Variants in NRXN3 observed in about 807,000 individuals in gnomAD.
NRXN3 encodes neurexin 3, also known as neurexin III.
NRXN3 carries 32 observed loss-of-function variants against 137.6 expected under a neutral mutation model. That is an observed-to-expected ratio of 0.23 (90% CI 0.18 to 0.31). The LOEUF (loss-of-function observed/expected upper bound fraction) is 0.31. Among genes scored for constraint, NRXN3 ranks in the 10% least tolerant of loss-of-function variants. The pLI is 1.00. For missense variants in NRXN3, 1,574 were observed against 2,062.5 expected, an observed-to-expected ratio of 0.76 and a Z score of 4.59; for synonymous variants, 798 against 784.5, an observed-to-expected ratio of 1.02 and a Z score of -0.29.
intron 19 of NRXN3, among the ~76,000 whole-genome samples, chr14:79,793,506 T>C (rs2140335824): frequency 6.6e-6 from 1 of 152,334 alleles, no homozygotes; most frequent in Admixed American, 6.5e-5. Context: ...CATAATCTAT[T>C]TGTCATAATT....
At chr14:79,518,742 T>C (rs1042491774) in intron 16 of NRXN3, among the ~76,000 whole-genome samples, 4 of 152,180 alleles carry the variant, frequency 2.6e-5, no homozygotes, top group Admixed American at 2.6e-4. Context: ...AATAATATAG[T>C]AATGATATTG....
At chr14:79,510,493 T>C (rs1291069204) in intron 16 of NRXN3, among the ~76,000 whole-genome samples, 1 of 152,194 alleles carries the variant, frequency 6.6e-6, no homozygotes, top group African/African-American at 2.4e-5. Flanking sequence ...GCCTCACTCC[T>C]GCATGACAGG....
chr14:79,323,651 A>G (rs1402827435), intron 15 of NRXN3, among the ~76,000 whole-genome samples: 1 of 151,942 alleles, frequency 6.6e-6, no homozygotes, highest in African/African-American at 2.4e-5. Context: ...CAAGGCCAAG[A>G]GATCGAGACC....
Position 79,862,192 on chromosome 14 carries a change from G to A in NRXN3, c.*228G>A. On this transcript the variant is annotated 3_prime_UTR_variant, in exon 21 of 21. Transcript: ENST00000335750. ...CTGCGGCAAGGTCCCAGCGGTCGCT[G>A]GGAGACAGAAGGTTTTGTGCCCTGC... is the stretch of plus-strand genomic sequence containing the variant. 2.0e-6 allele frequency: 1 copy of A among 501,810 alleles called. No individual in the cohort carries two copies. The highest frequency in any genetic ancestry group is 3.6e-6 in the Non-Finnish European group (1 of 278,874). The allele number at this position is 501,810 out of a possible 1,614,324, so 31.1% of individuals were successfully genotyped here. A position where few individuals can be genotyped will look rare whatever the true frequency, so the allele number is the denominator to read the frequency against.
chr14:78,608,023 G>C (rs1386428529), intron 4 of NRXN3, among the ~76,000 whole-genome samples: 1 of 152,178 alleles, frequency 6.6e-6, no homozygotes, highest in African/African-American at 2.4e-5. Flanking sequence ...GTTTAAAAAT[G>C]GAGACAGGAG....
chr14:78,441,997 G>A (rs2094267325), intron 4 of NRXN3, among the ~76,000 whole-genome samples: 1 of 151,858 alleles, frequency 6.6e-6, no homozygotes, highest in Non-Finnish European at 1.5e-5. Flanking sequence ...TCGGGAGGCT[G>A]AGGCAGGAGA....
rs140807726 is a variant in NRXN3 at position 79,192,228 on chromosome 14, C to A, written c.3262+204087C>A. 1.1e-4 allele frequency among the ~76,000 whole-genome samples: 17 copies of A among 152,272 alleles called. No homozygotes were observed. In the East Asian group the frequency reaches 3.3e-3, roughly 29 times the overall value. ...ATAACTTCTCCAGGTTACTGATCAT[C>A]TCTAAGTCTTTGATTCTTGTTCTGT... On this transcript the variant is annotated intron_variant, in intron 15 of 20. Coordinates refer to ENST00000335750, the MANE Select transcript of NRXN3 (RefSeq NM_001330195.2).
chr14:78,830,542 A>T (rs1219321898), intron 10 of NRXN3, among the ~76,000 whole-genome samples: 1 of 152,120 alleles, frequency 6.6e-6, no homozygotes. Flanking sequence ...ACAAGATATT[A>T]CAGGGGTTTT....
At chr14:79,250,365 G>A (rs1417441644) in intron 15 of NRXN3, among the ~76,000 whole-genome samples, 2 of 152,144 alleles carry the variant, frequency 1.3e-5, no homozygotes, top group Non-Finnish European at 2.9e-5. Flanking sequence ...AATGTGACAA[G>A]GATGGATGTT....
At chr14:79,251,185 C>G (rs2075871626) in intron 15 of NRXN3, among the ~76,000 whole-genome samples, 1 of 152,264 alleles carries the variant, frequency 6.6e-6, no homozygotes, top group East Asian at 1.9e-4. Context: ...ATTATGTGGG[C>G]TGCACATTAG....
intron 15 of NRXN3, among the ~76,000 whole-genome samples, chr14:79,296,811 G>A (rs527613383): frequency 6.6e-6 from 1 of 152,112 alleles, no homozygotes; most frequent in African/African-American, 2.4e-5. Context: ...TAAAACAAAA[G>A]CAAATAAATA....
intron 15 of NRXN3, among the ~76,000 whole-genome samples, chr14:79,461,195 T>C (rs116033741): frequency 7.3e-4 from 111 of 152,260 alleles, no homozygotes; most frequent in African/African-American, 2.5e-3. Flanking sequence ...CCATTAGTCA[T>C]TGGGACAGCT....
chr14:78,838,470 T>G (rs1283039984), intron 10 of NRXN3, among the ~76,000 whole-genome samples: 1 of 152,240 alleles, frequency 6.6e-6, no homozygotes, highest in African/African-American at 2.4e-5. Flanking sequence ...TCTGGAGCAC[T>G]GTGTCTTCCA....
intron 1 of NRXN3, among the ~76,000 whole-genome samples, chr14:78,225,934 A>G (rs2064496423): frequency 8.2e-6 from 1 of 121,270 alleles, no homozygotes. Flanking sequence ...GTGCCTAGCA[A>G]GTAGCAGGTG....
chr14:79,526,368 A>T (rs536936646), intron 16 of NRXN3, among the ~76,000 whole-genome samples: 4 of 152,038 alleles, frequency 2.6e-5, no homozygotes, highest in South Asian at 2.1e-4. Flanking sequence ...ATTTAAAAAA[A>T]TTTTTTTGCA....
rs1455989112 is a variant in NRXN3 at position 78,524,486 on chromosome 14, G to T, written c.758-120634G>T. ...CAGGTGCATGGCAGAATGCCTGGAGGGTTTATTAAAAACACTGATTCCTAA... is the reference window on the plus strand; with the variant it reads ...CAGGTGCATGGCAGAATGCCTGGAGTGTTTATTAAAAACACTGATTCCTAA... On this transcript the variant is annotated intron_variant, in intron 4 of 20. Transcript: ENST00000335750. Among the ~76,000 whole-genome samples the T allele has an allele frequency of 2.0e-5, 3 of 152,112 alleles. 1 individual carries two copies. Among genetic ancestry groups the T allele is most frequent in the South Asian group, 4.1e-4 (2 of 4,826 alleles).
chr14:78,234,886 A>G (rs958084145), intron 1 of NRXN3, among the ~76,000 whole-genome samples: 5 of 151,648 alleles, frequency 3.3e-5, no homozygotes, highest in African/African-American at 4.8e-5. Context: ...ATAAAAATTC[A>G]GTGACTGGTC....
chr14:79,219,221 C>T (rs1241722684), intron 15 of NRXN3, among the ~76,000 whole-genome samples: 1 of 152,162 alleles, frequency 6.6e-6, no homozygotes, highest in Non-Finnish European at 1.5e-5. Flanking sequence ...CTCCTGCACT[C>T]AAACAATCCT....
At chr14:79,477,165 G>A (rs2096567090) in intron 16 of NRXN3, among the ~76,000 whole-genome samples, 1 of 151,660 alleles carries the variant, frequency 6.6e-6, no homozygotes, top group Non-Finnish European at 1.5e-5. Flanking sequence ...TTTGACTAGT[G>A]GAATCTGAAG....
Sources: gnomAD v4.1 joint callset for allele counts (sites outside exome capture counted in the v4.1 genomes callset) on GRCh38, gnomAD v4.1.1 for gene constraint, MANE v1.5 for transcripts, NCBI Gene and HGNC (gene_info 2026-07-23, HGNC 2026-07-21) for gene names.